The following AOAH variants were observed in gnomAD, a reference collection of about 807,000 sequenced individuals.
The protein encoded by AOAH is acyloxyacyl hydrolase, also known as acyloxyacyl hydrolase (neutrophil).
AOAH carries 64 observed loss-of-function variants against 92.2 expected under a neutral mutation model. That is an observed-to-expected ratio of 0.69 (90% CI 0.57 to 0.86). AOAH has a LOEUF of 0.86. Among genes scored for constraint, AOAH ranks in the 40% least tolerant of loss-of-function variants. The pLI, the probability that AOAH is intolerant of heterozygous loss-of-function variation, is 0.00. For missense variants in AOAH, 656 were observed against 694.6 expected (o/e 0.94, Z 0.62); for synonymous variants, 263 against 254.5 (o/e 1.03, Z -0.32).
chr7:36,559,925 G>A (rs953100033), intron 13 of AOAH, among the ~76,000 whole-genome samples: 2 of 152,114 alleles, frequency 1.3e-5, no homozygotes, highest in Non-Finnish European at 2.9e-5. Context: ...TGAAAGATAG[G>A]GGTCCAATTT....
Position 36,532,317 on chromosome 7 carries a change from G to A in AOAH, c.1334C>T (p.Ala445Val), listed in dbSNP as rs746137257. ...GCAGTTCAGGAAGGAGTACAACTGC[G>A]CATAGGTCATGTCTTTATTTAGCTG... The part of the protein sequence containing the change: ...LGQLNKDMTY[A>V]QLYSFLNCLQ... Residue 445 changes from alanine to valine, a missense_variant, in exon 17 of 21, where the codon GCG becomes GTG. Coordinates refer to ENST00000617537, the MANE Select transcript of AOAH (RefSeq NM_001637.4). 1.5e-5 allele frequency: 25 copies of A among 1,613,984 alleles called. No individual in the cohort carries two copies. The highest frequency in any genetic ancestry group is 8.8e-5 in the South Asian group (8 of 91,074).
intron 13 of AOAH, among the ~76,000 whole-genome samples, chr7:36,557,788 G>A (rs1365963972): frequency 1.3e-5 from 2 of 152,082 alleles, no homozygotes; most frequent in Non-Finnish European, 2.9e-5. Flanking sequence ...GGCTCCTGAG[G>A]CTTCTGCATT....
chr7:36,577,913 G>T (rs1275202242), intron 12 of AOAH, among the ~76,000 whole-genome samples: 1 of 152,122 alleles, frequency 6.6e-6, no homozygotes, highest in Admixed American at 6.5e-5. Flanking sequence ...TTATATGAAA[G>T]CTTACTAATT....
intron 15 of AOAH, among the ~76,000 whole-genome samples, chr7:36,540,862 C>G (rs549500704): frequency 6.6e-6 from 1 of 152,322 alleles, no homozygotes; most frequent in South Asian, 2.1e-4. Flanking sequence ...CCATGGTGAT[C>G]TCTGATGGAC....
rs1793158173 is a variant in AOAH at position 36,632,124 on chromosome 7, A to G, written c.451-18T>C. 6.3e-7 allele frequency: 1 copy of G among 1,597,852 alleles called. No homozygotes were observed. Among genetic ancestry groups the G allele is most frequent in the Non-Finnish European group, 8.5e-7 (1 of 1,172,760 alleles). ...GAATATTTCTGGGGAGAAAAAAAAA[A>G]ACAAAAAGAGAGTTGTTTAGTTTAA... is the stretch of plus-strand genomic sequence containing the variant. On this transcript the variant is annotated intron_variant, in intron 5 of 20. Transcript: ENST00000617537.
chr7:36,561,909 A>G lies in AOAH; in HGVS notation c.1022-12434T>C, dbSNP rs190631011. 7.6e-4 allele frequency among the ~76,000 whole-genome samples: 116 copies of G among 152,266 alleles called. 1 individual carries two copies. Among genetic ancestry groups the G allele is most frequent in the South Asian group, 2.1e-4 (1 of 4,818 alleles). ...CCTGGGTCCCTTTGCCACTCAGGAC[A>G]AGGATGCGAGACCAACGGCAATTGG... On this transcript the variant is annotated intron_variant, in intron 13 of 20. Transcript: ENST00000617537.
At chr7:36,678,585 GTGTGTGTGTGTGT>G (rs1796419788) in intron 2 of AOAH, among the ~76,000 whole-genome samples, 4 of 131,074 alleles carry the variant, frequency 3.1e-5, no homozygotes, top group Non-Finnish European at 4.6e-5. Context: ...GTGTGTGTGT[GTGTGTGTGTGTGT>G]GTGCGCGCGC....
At chr7:36,682,698 A>G (rs1193694657) in intron 2 of AOAH, among the ~76,000 whole-genome samples, 2 of 152,134 alleles carry the variant, frequency 1.3e-5, no homozygotes, top group African/African-American at 2.4e-5. Flanking sequence ...TGAAATAAAG[A>G]ATAAAGAAGT....
chr7:36,669,377 C>CTTT lies in AOAH; in HGVS notation c.290+4563_290+4565dup, dbSNP rs33911092. On this transcript the variant is annotated intron_variant, in intron 3 of 20. Coordinates refer to ENST00000617537, the MANE Select transcript of AOAH (RefSeq NM_001637.4). Reference sequence around the variant, plus strand: ...TAACAGAATTATATTCCCCCCCCACCTTTTTTTTTTTTTTTTTTTAATTTA... The same window carrying CTTT: ...TAACAGAATTATATTCCCCCCCCACCTTTTTTTTTTTTTTTTTTTTTTAATTTA... Among the ~76,000 whole-genome samples the CTTT allele has an allele frequency of 2.0e-3, 255 of 125,492 alleles. 1 individual carries two copies. Among genetic ancestry groups the CTTT allele is most frequent in the African/African-American group, 2.8e-3 (92 of 32,768 alleles). 82.3% of individuals were successfully genotyped at this position (125,492 alleles called of 152,430 possible). A position where few individuals can be genotyped will look rare whatever the true frequency, so the allele number is the denominator to read the frequency against.
At chr7:36,609,737 G>A (rs150487161) in intron 11 of AOAH, among the ~76,000 whole-genome samples, 223 of 152,018 alleles carry the variant, frequency 1.5e-3, no homozygotes, top group African/African-American at 5.0e-3. Context: ...CTACTTCTTC[G>A]TCCGCATTGC....
chr7:36,579,368 C>T (rs1788758321), intron 12 of AOAH, among the ~76,000 whole-genome samples: 1 of 121,674 alleles, frequency 8.2e-6, no homozygotes, highest in South Asian at 2.7e-4. Context: ...AATTCCTGAA[C>T]CCCGCCCCCC....
chr7:36,596,070 A>G (rs902734331), intron 11 of AOAH, among the ~76,000 whole-genome samples: 2 of 152,152 alleles, frequency 1.3e-5, no homozygotes, highest in Non-Finnish European at 2.9e-5. Context: ...TAACTCCTTG[A>G]AAGTATGTCA....
chr7:36,638,815 G>T (rs1793696674), intron 4 of AOAH, among the ~76,000 whole-genome samples: 1 of 152,242 alleles, frequency 6.6e-6, no homozygotes, highest in Non-Finnish European at 1.5e-5. Context: ...CTCTTCAGGT[G>T]GGTTTGGTTG....
At chr7:36,563,786 TAAA>T (rs1257619902) in intron 13 of AOAH, among the ~76,000 whole-genome samples, 1 of 152,206 alleles carries the variant, frequency 6.6e-6, no homozygotes, top group Admixed American at 6.5e-5. Flanking sequence ...TACAATCCAT[TAAA>T]AAAATCCATC....
At chr7:36,602,901 T>C (rs1162088088) in intron 11 of AOAH, among the ~76,000 whole-genome samples, 1 of 152,110 alleles carries the variant, frequency 6.6e-6, no homozygotes, top group East Asian at 1.9e-4. Context: ...ATGATCTCAT[T>C]TTCTTTCTCT....
rs118125283 is a variant in AOAH at position 36,687,484 on chromosome 7, T to C, written c.128-690A>G. On this transcript the variant is annotated intron_variant, in intron 1 of 20. Transcript: ENST00000617537. ...CCTAGAGCTCCTAGGCTGACATTCC[T>C]AGAAGATTCTATCGCTTGCCTTAAC... 7.1e-3 allele frequency among the ~76,000 whole-genome samples: 1,074 copies of C among 152,168 alleles called. 8 individuals are homozygous for C. The highest frequency in any genetic ancestry group is 0.011 in the Non-Finnish European group (739 of 68,010).
intron 13 of AOAH, among the ~76,000 whole-genome samples, chr7:36,566,641 C>T (rs980729606): frequency 6.6e-6 from 1 of 152,062 alleles, no homozygotes; most frequent in African/African-American, 2.4e-5. Context: ...ATAGAAAACA[C>T]CTGAAGCTGG....
intron 13 of AOAH, among the ~76,000 whole-genome samples, chr7:36,573,613 G>A (rs976098978): frequency 6.6e-6 from 1 of 152,172 alleles, no homozygotes; most frequent in Non-Finnish European, 1.5e-5. Context: ...AGCTACTTGG[G>A]AGGCTGAGGT....
At chr7:36,696,444 A>G (rs114027220) in intron 1 of AOAH, among the ~76,000 whole-genome samples, 2,609 of 152,252 alleles carry the variant, frequency 0.017, 83 homozygotes, top group African/African-American at 0.06. Flanking sequence ...TCTTCGCAAT[A>G]TTTTGTAATT....
Sources: allele counts gnomAD v4.1 joint callset (sites outside exome capture counted in the v4.1 genomes callset), GRCh38; gene constraint gnomAD v4.1.1; transcripts MANE v1.5; gene names NCBI Gene and HGNC (gene_info 2026-07-23, HGNC 2026-07-21).